SPAG6: variants seen among roughly 807,000 people sequenced by gnomAD.
The protein encoded by SPAG6 is sperm associated antigen 6.
SPAG6 carries 49 observed loss-of-function variants against 58.5 expected under a neutral mutation model. The observed-to-expected ratio is 0.84, with a 90% CI of 0.67 to 1.06. The LOEUF is 1.06. Among genes scored for constraint, SPAG6 ranks in the 50% least tolerant of loss-of-function variants. The pLI is 0.00. For synonymous variants in SPAG6, 233 were observed against 225.6 expected, an observed-to-expected ratio of 1.03 and a Z score of -0.29; for missense variants, 560 against 611.3, an observed-to-expected ratio of 0.92 and a Z score of 0.89.
intron 9 of SPAG6, among the ~76,000 whole-genome samples, chr10:22,409,416 TA>T (rs1834665962): frequency 6.6e-6 from 1 of 152,230 alleles, no homozygotes; most frequent in African/African-American, 2.4e-5. Flanking sequence ...AATTATTTGT[TA>T]AATGCCTACA....
intron 9 of SPAG6, among the ~76,000 whole-genome samples, chr10:22,409,586 G>T (rs1588565104): frequency 6.6e-6 from 1 of 152,190 alleles, no homozygotes; most frequent in African/African-American, 2.4e-5. Context: ...GAAGGAATGA[G>T]TGAATATAGT....
At chr10:22,416,538 G>T in intron 10 of SPAG6, 81 bp from the exon 11 acceptor site, 1 of 822,566 alleles carries the variant, frequency 1.2e-6, no homozygotes, top group Non-Finnish European at 2.1e-6. Context: ...GATTATTTCA[G>T]ATAAATCCCC....
At chr10:22,404,594 G>A in intron 9 of SPAG6, among the ~76,000 whole-genome samples, 1 of 123,822 alleles carries the variant, frequency 8.1e-6, no homozygotes, top group African/African-American at 3.1e-5. Flanking sequence ...TGTTCTTTTG[G>A]CTTAGGATTG....
intron 4 of SPAG6, among the ~76,000 whole-genome samples, chr10:22,386,200 T>A (rs1834059235): frequency 6.6e-6 from 1 of 152,188 alleles, no homozygotes; most frequent in Non-Finnish European, 1.5e-5. Flanking sequence ...AAAGTATTTT[T>A]ATATGTACAA....
chr10:22,404,003 T>G (rs1834483131), intron 9 of SPAG6, among the ~76,000 whole-genome samples: 1 of 146,356 alleles, frequency 6.8e-6, no homozygotes, highest in Non-Finnish European at 1.5e-5. Context: ...TCTTGTAAAT[T>G]TGTTTGAGTT....
intron 8 of SPAG6, among the ~76,000 whole-genome samples, chr10:22,398,271 A>G (rs550983310): frequency 1.3e-5 from 2 of 152,372 alleles, no homozygotes; most frequent in East Asian, 3.9e-4. Flanking sequence ...AGATCTAAAT[A>G]TAAGTGTTAA....
Position 22,376,234 on chromosome 10 carries a change from G to A in SPAG6, c.472+7556G>A, listed in dbSNP as rs115087244. On this transcript the variant is annotated intron_variant, in intron 4 of 10. Transcript: ENST00000376624. ...GAGCATTTTTGATGAAAATTTAGTG[G>A]CTGAATTGAGAAATGCTGTAAGTGC... Among the ~76,000 whole-genome samples, 1,208 of 152,050 alleles carry A rather than the reference G, an allele frequency of 7.9e-3. 15 individuals carry two copies. The highest frequency in any genetic ancestry group is 0.027 in the African/African-American group (1,121 of 41,444).
At chr10:22,367,869 C>A (rs1371035143) in intron 3 of SPAG6, among the ~76,000 whole-genome samples, 1 of 152,008 alleles carries the variant, frequency 6.6e-6, no homozygotes, top group Admixed American at 6.6e-5. Context: ...AAAAGCATTT[C>A]TAGAGAAAAT....
chr10:22,405,823 T>C (rs1834538971), intron 9 of SPAG6, among the ~76,000 whole-genome samples: 3 of 152,264 alleles, frequency 2.0e-5, no homozygotes, highest in Non-Finnish European at 4.4e-5. Flanking sequence ...GATCCTGTTA[T>C]TGGACTATTC....
intron 8 of SPAG6, among the ~76,000 whole-genome samples, chr10:22,397,945 A>C (rs1181811561): frequency 6.6e-6 from 1 of 152,144 alleles, no homozygotes; most frequent in East Asian, 1.9e-4. Context: ...AAAAGAACCC[A>C]GACTAGCAAA....
chr10:22,363,532 G>A (rs1461811189), intron 2 of SPAG6, among the ~76,000 whole-genome samples: 4 of 152,156 alleles, frequency 2.6e-5, no homozygotes, highest in Non-Finnish European at 4.4e-5. Context: ...ACTTAGGCAC[G>A]AAACTAATGA....
chr10:22,411,096 A>G lies in SPAG6; in HGVS notation c.1380A>G (p.Gln460=), dbSNP rs768143862. The G allele has an allele frequency of 1.2e-6, 2 of 1,614,030 alleles. No homozygotes were observed. The highest frequency in any genetic ancestry group is 1.7e-5 in the Admixed American group (1 of 59,998). ...CAAGTGGTGGCCTTAAAAAAGTTCA[A>G]GAGATAAAAGCAGAACCTGGTTCTC... ...FVTSGGLKKV[Q]EIKAEPGSLL... The change falls in exon 10 of 11, where the codon CAA becomes CAG. Residue 460 remains glutamine, a synonymous_variant. Coordinates refer to ENST00000376624, the MANE Select transcript of SPAG6 (RefSeq NM_012443.4).
chr10:22,353,929 CAA>C (rs1303253777), intron 2 of SPAG6, among the ~76,000 whole-genome samples: 1 of 152,030 alleles, frequency 6.6e-6, no homozygotes, highest in Non-Finnish European at 1.5e-5. Flanking sequence ...GGCACAAAGA[CAA>C]GAGAAAAGGT....
chr10:22,395,035 C>T (rs947467797), intron 8 of SPAG6, among the ~76,000 whole-genome samples: 4 of 152,148 alleles, frequency 2.6e-5, no homozygotes, highest in African/African-American at 9.7e-5. Context: ...TTACTACTTA[C>T]TTGAAGTTTC....
chr10:22,363,533 A>G (rs960370848), intron 2 of SPAG6, among the ~76,000 whole-genome samples: 8 of 152,214 alleles, frequency 5.3e-5, no homozygotes, highest in Admixed American at 5.2e-4. Context: ...CTTAGGCACG[A>G]AACTAATGAC....
chr10:22,401,017 G>T, intron 8 of SPAG6, 144 bp from the exon 9 acceptor site: 1 of 577,270 alleles, frequency 1.7e-6, no homozygotes, highest in Non-Finnish European at 3.1e-6. Flanking sequence ...GTTTTTTTTG[G>T]ACAACAATTT....
intron 2 of SPAG6, among the ~76,000 whole-genome samples, chr10:22,354,919 G>A (rs1052942726): frequency 3.9e-5 from 6 of 151,968 alleles, no homozygotes; most frequent in African/African-American, 9.7e-5. Context: ...TGAGGCATCC[G>A]GGAAGCGGAG....
chr10:22,407,068 T>G (rs1483275162), intron 9 of SPAG6, among the ~76,000 whole-genome samples: 1 of 152,148 alleles, frequency 6.6e-6, no homozygotes, highest in African/African-American at 2.4e-5. Context: ...TATAGCACAC[T>G]GATGTGTCTT....
chr10:22,416,308 A>T (rs1588571988), intron 10 of SPAG6, among the ~76,000 whole-genome samples: 1 of 152,258 alleles, frequency 6.6e-6, no homozygotes, highest in East Asian at 1.9e-4. Flanking sequence ...ACTTGATGTG[A>T]TTAAAATGAA....
Sources: gnomAD v4.1 joint callset for allele counts (sites outside exome capture counted in the v4.1 genomes callset) on GRCh38, gnomAD v4.1.1 for gene constraint, MANE v1.5 for transcripts, NCBI Gene and HGNC (gene_info 2026-07-23, HGNC 2026-07-21) for gene names.